The following ART4 variants were observed in gnomAD, a reference collection of about 807,000 sequenced individuals.
ART4 encodes ecto-ADP-ribosyltransferase 4.
ART4 carries 14 observed loss-of-function variants against 24.2 expected under a neutral mutation model. The observed-to-expected ratio is 0.58, with a 90% CI of 0.38 to 0.90. The LOEUF is 0.90. ART4 is among the 40% of genes least tolerant of loss of function. The pLI, the probability that ART4 is intolerant of heterozygous loss-of-function variation, is 0.00. For missense variants in ART4, 356 were observed against 366.6 expected (o/e 0.97, Z 0.24); for synonymous variants, 145 against 139.9 (o/e 1.04, Z -0.26).
intron 2 of ART4, among the ~76,000 whole-genome samples, chr12:14,835,369 T>C (rs1404427422): frequency 6.6e-6 from 1 of 152,124 alleles, no homozygotes; most frequent in African/African-American, 2.4e-5. Context: ...TCTTACTTCC[T>C]CCCTGTTAAG....
chr12:14,834,449 A>G (rs541337038), intron 2 of ART4, among the ~76,000 whole-genome samples: 2 of 152,212 alleles, frequency 1.3e-5, no homozygotes, highest in Non-Finnish European at 2.9e-5. Flanking sequence ...GAGATTTTAC[A>G]TGCATTCATT....
At chr12:14,831,400 A>G (rs1950395029) in intron 2 of ART4, among the ~76,000 whole-genome samples, 1 of 150,442 alleles carries the variant, frequency 6.6e-6, no homozygotes, top group Non-Finnish European at 1.5e-5. Context: ...AGCTGGGTCT[A>G]CAGGTGCACA....
chr12:14,830,783 A>C (rs920651053), intron 2 of ART4, among the ~76,000 whole-genome samples: 4 of 145,784 alleles, frequency 2.7e-5, no homozygotes. Context: ...TCAAGACCTC[A>C]ATTTTCACCA....
At chr12:14,837,432 C>T (rs1950438197) in intron 2 of ART4, among the ~76,000 whole-genome samples, 1 of 152,148 alleles carries the variant, frequency 6.6e-6, no homozygotes, top group Non-Finnish European at 1.5e-5. Flanking sequence ...CTGGGCACTT[C>T]TATGTGCCAG....
chr12:14,830,557 G>A (rs1488638230), intron 2 of ART4, among the ~76,000 whole-genome samples: 29 of 144,316 alleles, frequency 2.0e-4, no homozygotes, highest in Non-Finnish European at 3.3e-4. Flanking sequence ...GTGTGTGTGT[G>A]TGTGTGTGTG....
In ART4 at chr12:14,837,780, G is replaced by T. The variant is rs28362801; in HGVS notation, c.853+2665C>A. Among the ~76,000 whole-genome samples, 620 of 152,294 alleles carry T rather than the reference G, an allele frequency of 4.1e-3. 4 individuals are homozygous for T. The highest frequency in any genetic ancestry group is 0.014 in the African/African-American group (595 of 41,550). On this transcript the variant is annotated intron_variant, in intron 2 of 2. Coordinates refer to ENST00000228936, the MANE Select transcript of ART4 (RefSeq NM_021071.4). ...TCCACCCACCTCGGCCTCCCAAAAT[G>T]CTGGGATTACGGGTGTGAGCCACCG... is the stretch of plus-strand genomic sequence containing the variant.
At position 14,827,520 on chromosome 12, in the gene ART4, C is replaced by T. The variant is rs1950366951; in HGVS notation, c.*1851G>A. ...CTGGGTTTAGGCAATTTTCCTGCCT[C>T]AGCCTCCCAAGTAGCTGGGATTACA... On this transcript the variant is annotated 3_prime_UTR_variant, in exon 3 of 3. Transcript: ENST00000228936. 2 of 152,470 alleles carry T rather than the reference C, an allele frequency of 1.3e-5. No individual in the cohort carries two copies. 9.4% of individuals were successfully genotyped at this position (152,470 alleles called of 1,614,324 possible).
At chr12:14,841,929 AGTT>A (rs1863057218) in intron 1 of ART4, among the ~76,000 whole-genome samples, 1 of 152,160 alleles carries the variant, frequency 6.6e-6, no homozygotes, top group African/African-American at 2.4e-5. Context: ...CAGCACACCC[AGTT>A]GTTTTTTCCC....
intron 2 of ART4, among the ~76,000 whole-genome samples, chr12:14,840,051 A>T (rs768234361): frequency 6.6e-6 from 1 of 152,236 alleles, no homozygotes; most frequent in Non-Finnish European, 1.5e-5. Context: ...AAGATGATTA[A>T]TGAACAGAAA....
At chr12:14,835,402 C>T (rs1950423283) in intron 2 of ART4, among the ~76,000 whole-genome samples, 1 of 152,090 alleles carries the variant, frequency 6.6e-6, no homozygotes. Context: ...GAAAGACACA[C>T]TACCTCCTTC....
At chr12:14,836,388 C>A (rs1271240311) in intron 2 of ART4, among the ~76,000 whole-genome samples, 1 of 151,908 alleles carries the variant, frequency 6.6e-6, no homozygotes, top group Non-Finnish European at 1.5e-5. Flanking sequence ...GATCTGATAA[C>A]CGAGAGGGCT....
At chr12:14,840,077 T>C (rs917764106) in intron 2 of ART4, among the ~76,000 whole-genome samples, 3 of 152,238 alleles carry the variant, frequency 2.0e-5, no homozygotes, top group Non-Finnish European at 4.4e-5. Flanking sequence ...TGAATAAATA[T>C]CTTGCCTCTT....
chr12:14,832,290 G>C (rs1044258953), intron 2 of ART4, among the ~76,000 whole-genome samples: 1 of 152,094 alleles, frequency 6.6e-6, no homozygotes, highest in Admixed American at 6.5e-5. Context: ...CATCCTTGCT[G>C]TTGCTTCTTA....
chr12:14,834,010 T>A (rs1950412942), intron 2 of ART4, among the ~76,000 whole-genome samples: 1 of 152,212 alleles, frequency 6.6e-6, no homozygotes, highest in Non-Finnish European at 1.5e-5. Context: ...CAAAGTACTT[T>A]CCCAGAGTTT....
chr12:14,832,078 T>C (rs1284466471), intron 2 of ART4, among the ~76,000 whole-genome samples: 1 of 152,094 alleles, frequency 6.6e-6, no homozygotes, highest in Non-Finnish European at 1.5e-5. Context: ...TCTGCTTACC[T>C]CATTACAGTT....
intron 2 of ART4, among the ~76,000 whole-genome samples, chr12:14,830,620 C>G (rs1256116582): frequency 5.6e-5 from 6 of 107,588 alleles, no homozygotes; most frequent in Admixed American, 1.1e-4. Context: ...AGAAATTACT[C>G]TGTGTGTGTA....
rs1565427238 is a variant in ART4, at chr12:14,829,349, TA to T, written c.*21del. 9 of 1,464,066 alleles carry T rather than the reference TA, an allele frequency of 6.1e-6. No individual in the cohort carries two copies. The highest frequency in any genetic ancestry group is 1.4e-5 in the South Asian group (1 of 69,600). 90.7% of individuals were successfully genotyped at this position (1,464,066 alleles called of 1,614,324 possible). ...ATTTTATTTAAATATTTTTTTTAAA[TA>T]AAAGGAGCCACAAGATTTCTTTATA... On this transcript the variant is annotated 3_prime_UTR_variant, in exon 3 of 3. Transcript: ENST00000228936.
In ART4 at chr12:14,841,383, C is replaced by T. The variant is rs1863050746; in HGVS notation, c.145-230G>A. The T allele has an allele frequency of 6.5e-6, 3 of 461,384 alleles. No homozygotes were observed. The South Asian group carries it at 1.6e-4, about 24-fold the overall frequency. 28.6% of individuals were successfully genotyped at this position (461,384 alleles called of 1,614,324 possible). Reference sequence around the variant, plus strand: ...TACTGAAAGCTTGAAAAACTCATCTCCCCAGAGAGGAAGTAACTCTTTTAA... The same window carrying T: ...TACTGAAAGCTTGAAAAACTCATCTTCCCAGAGAGGAAGTAACTCTTTTAA... On this transcript the variant is annotated intron_variant, in intron 1 of 2. Transcript: ENST00000228936.
rs1950364511 is a variant in ART4 at position 14,827,155 on chromosome 12, C to G, written c.*2216G>C. 1 of 151,670 alleles carries G rather than the reference C, an allele frequency of 6.6e-6. No individual in the cohort carries two copies. The highest frequency in any genetic ancestry group is 6.6e-5 in the Admixed American group (1 of 15,224). The allele number at this position is 151,670 out of a possible 1,614,324, so 9.4% of individuals were successfully genotyped here. On this transcript the variant is annotated 3_prime_UTR_variant, in exon 3 of 3. Transcript: ENST00000228936. Reference sequence around the variant, plus strand: ...GAGAGATCTGGCCTAGTGTTCTTAACTTTTAATCCCCAAAGTGCTTTGTAC... The same window carrying G: ...GAGAGATCTGGCCTAGTGTTCTTAAGTTTTAATCCCCAAAGTGCTTTGTAC...
Sources: gnomAD v4.1 joint callset for allele counts (sites outside exome capture counted in the v4.1 genomes callset) on GRCh38, gnomAD v4.1.1 for gene constraint, MANE v1.5 for transcripts, NCBI Gene and HGNC (gene_info 2026-07-23, HGNC 2026-07-21) for gene names.